The following CDYL2 variants were observed in gnomAD, a reference collection of about 807,000 sequenced individuals.
CDYL2 encodes the protein chromodomain Y-like protein 2.
A neutral mutation model predicts 49.4 loss-of-function variants in CDYL2; 23 were observed. The ratio of observed to expected loss-of-function variants is 0.47; its 90% CI spans 0.34 to 0.66. The LOEUF (loss-of-function observed/expected upper bound fraction) is 0.66, where lower values mean the gene tolerates loss of function less well. Ranked by LOEUF, CDYL2 falls within the 30% of genes least tolerant of loss-of-function variation. The probability of loss-of-function intolerance (pLI) is 0.01; values close to 1 mark genes in which losing one functional copy is unlikely to be tolerated. For synonymous variants in CDYL2, 360 were observed against 268.8 expected (o/e 1.34, Z -3.32); for missense variants, 678 against 656.4 (o/e 1.03, Z -0.36).
At chr16:80,702,100 C>T (rs1904304368) in intron 1 of CDYL2, among the ~76,000 whole-genome samples, 2 of 152,010 alleles carry the variant, frequency 1.3e-5, no homozygotes, top group African/African-American at 2.4e-5. Flanking sequence ...GAGAAACAAA[C>T]CCCCACTTCA....
At chr16:80,645,798 T>C (rs1024821928) in intron 2 of CDYL2, among the ~76,000 whole-genome samples, 1 of 151,884 alleles carries the variant, frequency 6.6e-6, no homozygotes, top group African/African-American at 2.4e-5. Context: ...TGGACTACTA[T>C]GCAGCCATAA....
chr16:80,707,921 C>T (rs1362940296), intron 1 of CDYL2, among the ~76,000 whole-genome samples: 1 of 152,266 alleles, frequency 6.6e-6, no homozygotes, highest in East Asian at 1.9e-4. Flanking sequence ...AAGTTTTTTT[C>T]TCTCCAGTAG....
intron 1 of CDYL2, among the ~76,000 whole-genome samples, chr16:80,778,382 G>A (rs1018773080): frequency 2.7e-5 from 4 of 150,880 alleles, no homozygotes; most frequent in African/African-American, 9.9e-5. Flanking sequence ...AGCATGATGT[G>A]ACTATCTTAT....
In CDYL2 at chr16:80,710,710, G is replaced by GA. The variant is rs547711754; in HGVS notation, c.25-25582dup. On this transcript the variant is annotated intron_variant, in intron 1 of 6. Transcript: ENST00000570137. ...TTGAAGGTGATCTATTGTACATCTT[G>GA]AAAAAATCCCTTAATGTTATAATAC... 7.2e-3 allele frequency among the ~76,000 whole-genome samples: 1,093 copies of GA among 152,096 alleles called. 12 individuals are homozygous for GA. Among genetic ancestry groups the GA allele is most frequent in the South Asian group, 0.038 (181 of 4,814 alleles).
chr16:80,782,045 T>C (rs980565190), intron 1 of CDYL2, among the ~76,000 whole-genome samples: 2 of 151,264 alleles, frequency 1.3e-5, no homozygotes, highest in Non-Finnish European at 3.0e-5. Context: ...ATAATAAAGA[T>C]TAGCATAAAG....
intron 1 of CDYL2, among the ~76,000 whole-genome samples, chr16:80,708,029 G>T (rs76158528): frequency 6.6e-6 from 1 of 152,168 alleles, no homozygotes; most frequent in East Asian, 1.9e-4. Context: ...ACACTCTTTA[G>T]GGGTGGGGCA....
chr16:80,635,260 G>C (rs1381055223), intron 2 of CDYL2, among the ~76,000 whole-genome samples: 2 of 151,972 alleles, frequency 1.3e-5, no homozygotes, highest in African/African-American at 2.4e-5. Context: ...AATAGAAAGG[G>C]ACTTCCTAGT....
chr16:80,705,890 C>T (rs1470721470), intron 1 of CDYL2, among the ~76,000 whole-genome samples: 2 of 152,250 alleles, frequency 1.3e-5, no homozygotes, highest in African/African-American at 4.8e-5. Flanking sequence ...TAGTTTATCT[C>T]TTCTTTTTAT....
chr16:80,637,100 A>G (rs56096652), intron 2 of CDYL2, among the ~76,000 whole-genome samples: 8,983 of 152,068 alleles, frequency 0.059, 808 homozygotes, highest in African/African-American at 0.2. Context: ...AATACCTAAT[A>G]TAGATGACAG....
intron 1 of CDYL2, among the ~76,000 whole-genome samples, chr16:80,725,838 C>A (rs1183685200): frequency 4.6e-5 from 7 of 152,208 alleles, no homozygotes; most frequent in Non-Finnish European, 8.8e-5. Flanking sequence ...ATGAGGGAAT[C>A]CCCATTTTTT....
chr16:80,753,238 G>T (rs114448135), intron 1 of CDYL2, among the ~76,000 whole-genome samples: 1 of 150,732 alleles, frequency 6.6e-6, no homozygotes. Context: ...TGGCCTTTCC[G>T]AGAAATGGTA....
chr16:80,672,280 C>T (rs1317972064), intron 2 of CDYL2, among the ~76,000 whole-genome samples: 3 of 148,608 alleles, frequency 2.0e-5, no homozygotes, highest in African/African-American at 7.4e-5. Flanking sequence ...CTATATTGAG[C>T]AGAAAAATCA....
intron 2 of CDYL2, among the ~76,000 whole-genome samples, chr16:80,645,529 T>C (rs1259374924): frequency 3.3e-5 from 5 of 152,186 alleles, no homozygotes; most frequent in Non-Finnish European, 1.5e-5. Context: ...ACTTTTACAC[T>C]GTTGGTGGTA....
At chr16:80,712,356 C>T (rs57627196) in intron 1 of CDYL2, among the ~76,000 whole-genome samples, 1,711 of 151,944 alleles carry the variant, frequency 0.011, 35 homozygotes, top group African/African-American at 0.039. Context: ...CAAACTATCC[C>T]TGCCTGGTGT....
intron 1 of CDYL2, among the ~76,000 whole-genome samples, chr16:80,748,912 A>G (rs966148668): frequency 6.6e-6 from 1 of 152,210 alleles, no homozygotes; most frequent in Non-Finnish European, 1.5e-5. Context: ...CAAAAAAAGA[A>G]AAGTCATAGA....
chr16:80,637,638 C>G (rs929672186), intron 2 of CDYL2, among the ~76,000 whole-genome samples: 1 of 151,294 alleles, frequency 6.6e-6, no homozygotes, highest in African/African-American at 2.5e-5. Flanking sequence ...CAGCAATGAG[C>G]AACTGGAACT....
intron 3 of CDYL2, among the ~76,000 whole-genome samples, chr16:80,626,102 C>T (rs139903190): frequency 1.3e-3 from 194 of 149,348 alleles, no homozygotes; most frequent in African/African-American, 4.6e-3. Flanking sequence ...CCAGCCTGGG[C>T]AACATGATGA....
intron 2 of CDYL2, among the ~76,000 whole-genome samples, chr16:80,651,342 C>A (rs75578732): frequency 1.9e-3 from 288 of 152,148 alleles, no homozygotes; most frequent in Non-Finnish European, 3.0e-3. Context: ...GGAAGCCAGT[C>A]TGAAAAATCT....
intron 2 of CDYL2, among the ~76,000 whole-genome samples, chr16:80,684,026 C>G (rs1040416886): frequency 1.3e-5 from 2 of 152,252 alleles, no homozygotes; most frequent in Non-Finnish European, 2.9e-5. Flanking sequence ...GGCTCCAGCA[C>G]AGGCACTGGC....
Sources: allele counts gnomAD v4.1 joint callset (sites outside exome capture counted in the v4.1 genomes callset), GRCh38; gene constraint gnomAD v4.1.1; transcripts MANE v1.5; gene names NCBI Gene and HGNC (gene_info 2026-07-23, HGNC 2026-07-21).